ZNF777: variants seen among roughly 807,000 people sequenced by gnomAD.
The protein encoded by ZNF777 is zinc finger protein 777.
ZNF777 carries 7 observed loss-of-function variants against 72.1 expected under a neutral mutation model. The ratio of observed to expected loss-of-function variants is 0.10; its 90% confidence interval spans 0.06 to 0.18. The LOEUF (loss-of-function observed/expected upper bound fraction) is 0.18, where lower values mean the gene tolerates loss of function less well. Ranked by LOEUF, ZNF777 falls within the 10% of genes least tolerant of loss-of-function variation. ZNF777 has a pLI of 1.00. For missense variants in ZNF777, 828 were observed against 1,128.6 expected (o/e 0.73, Z 3.82); for synonymous variants, 545 against 483.5 (o/e 1.13, Z -1.67).
rs953761505 is a variant in ZNF777 at position 149,451,019 on chromosome 7, G to A, written c.1067C>T (p.Thr356Met). The change falls in exon 4 of 6, where the codon ACG becomes ATG. Residue 356 changes from threonine to methionine, a missense_variant. Coordinates refer to ENST00000247930, the MANE Select transcript of ZNF777 (RefSeq NM_015694.3). ...QEQEDSEEGE[T>M]PTDPSAAHDG... ...CTCACCAGCACTGGGATCTGTCGGC[G>A]TTTCGCCCTCCTCAGAGTCTTCCTG... The A allele has an allele frequency of 1.4e-5, 22 of 1,613,702 alleles. No individual in the cohort carries two copies. Among genetic ancestry groups the A allele is most frequent in the Non-Finnish European group, 1.7e-5 (20 of 1,180,002 alleles).
intron 3 of ZNF777, 98 bp from the exon 4 acceptor site, chr7:149,451,210 C>T (rs1322174263): frequency 6.4e-6 from 7 of 1,085,950 alleles, no homozygotes; most frequent in Non-Finnish European, 9.6e-6. Flanking sequence ...GGAGCAGCTC[C>T]TCGACTGGAG....
At chr7:149,438,046 A>AT (rs1052761353) in intron 4 of ZNF777, among the ~76,000 whole-genome samples, 9 of 150,220 alleles carry the variant, frequency 6.0e-5, no homozygotes, top group African/African-American at 2.2e-4. Context: ...CACCCGGCTA[A>AT]TTTTTTGTAT....
intron 4 of ZNF777, among the ~76,000 whole-genome samples, chr7:149,449,724 C>G (rs946542551): frequency 6.6e-6 from 1 of 152,124 alleles, no homozygotes; most frequent in African/African-American, 2.4e-5. Context: ...AAAAGTTCAC[C>G]CTGCCATGTG....
chr7:149,434,693 G>A (rs767548049), intron 5 of ZNF777, among the ~76,000 whole-genome samples: 2 of 151,796 alleles, frequency 1.3e-5, no homozygotes, highest in South Asian at 2.1e-4. Context: ...AGCGATTCTC[G>A]TGCCTCAGCC....
rs545005546 is a variant in ZNF777, at chr7:149,455,118, C to T, written c.846+59G>A. 9 of 1,544,366 alleles carry T rather than the reference C, an allele frequency of 5.8e-6. No individual in the cohort carries two copies. The highest frequency in any genetic ancestry group is 2.3e-5 in the East Asian group (1 of 44,424). On this transcript the variant is annotated intron_variant, in intron 2 of 5. Transcript: ENST00000247930. The surrounding 1 kb of genome is among the most constrained non-coding windows in gnomAD (Gnocchi z 4.2). ...CTTTCTTTCATATTACACTACATTCCTAAACCACACTCCAATTCAGATCAC... is the reference window on the plus strand; with the variant it reads ...CTTTCTTTCATATTACACTACATTCTTAAACCACACTCCAATTCAGATCAC...
Position 149,436,586 on chromosome 7 carries a change from C to T in ZNF777, c.1328G>A (p.Arg443Lys), listed in dbSNP as rs1297576694. 1.9e-6 allele frequency: 3 copies of T among 1,605,724 alleles called. No homozygotes were observed. Among genetic ancestry groups the T allele is most frequent in the East Asian group, 2.2e-5 (1 of 44,744 alleles). Residue 443 changes from arginine (R) to lysine (K), a missense_variant, in exon 5 of 6, where the codon AGG becomes AAG. Coordinates refer to ENST00000247930, the MANE Select transcript of ZNF777 (RefSeq NM_015694.3). This position sits in a 1 kb window ranked among gnomAD's most constrained non-coding sequence, Gnocchi z 5.0. The part of the protein sequence containing the change: ...SELKQMLVQQ[R>K]NCTEGIVIKT... ...CGCCCAGCACTCACCCGTGCAGTTC[C>T]TCTGCTGCACCAGCATCTGCTTCAG...
At chr7:149,448,484 A>AATATATATATATATATATATAT (rs1799644115) in intron 4 of ZNF777, among the ~76,000 whole-genome samples, 1 of 21,692 alleles carries the variant, frequency 4.6e-5, no homozygotes, top group African/African-American at 2.4e-4. Context: ...ACAAAACAAA[A>AATATATATATATATATATATAT]CTATATATAT....
At position 149,452,108 on chromosome 7, in the gene ZNF777, A is replaced by T. The variant is rs986726027; in HGVS notation, c.974-996T>A. Among the ~76,000 whole-genome samples the T allele has an allele frequency of 6.6e-5, 10 of 151,700 alleles. No homozygotes were observed. In the East Asian group the frequency reaches 1.2e-3, roughly 18 times the overall value. Reference sequence around the variant, plus strand: ...GTGAAACCCCGTCTCTACTAAAAATACAAAAAATTAGCTGGGCACGGTGGT... The same window carrying T: ...GTGAAACCCCGTCTCTACTAAAAATTCAAAAAATTAGCTGGGCACGGTGGT... On this transcript the variant is annotated intron_variant, in intron 3 of 5. Coordinates refer to ENST00000247930, the MANE Select transcript of ZNF777 (RefSeq NM_015694.3).
chr7:149,435,957 G>C (rs1799402959), intron 5 of ZNF777, among the ~76,000 whole-genome samples: 1 of 152,126 alleles, frequency 6.6e-6, no homozygotes, highest in African/African-American at 2.4e-5. Flanking sequence ...TGATCAAGTA[G>C]GGCTTTTCCC....
At chr7:149,441,170 G>A (rs1799507500) in intron 4 of ZNF777, among the ~76,000 whole-genome samples, 3 of 152,160 alleles carry the variant, frequency 2.0e-5, no homozygotes, top group Admixed American at 2.0e-4. Context: ...CAACCAAGCT[G>A]CATTCATTTA....
At chr7:149,459,922 C>G in intron 1 of ZNF777, 1 of 953,524 alleles carries the variant, frequency 1.0e-6, no homozygotes, top group Non-Finnish European at 1.2e-6. Flanking sequence ...CTCGCACGGA[C>G]GGCGGCGAGG....
intron 5 of ZNF777, among the ~76,000 whole-genome samples, chr7:149,433,523 TG>T (rs1283674596): frequency 2.6e-5 from 4 of 152,198 alleles, no homozygotes; most frequent in Admixed American, 6.5e-5. Context: ...TTAATCCACT[TG>T]GAGATTTCTC....
intron 1 of ZNF777, chr7:149,459,807 G>A: frequency 1.0e-6 from 1 of 984,916 alleles, no homozygotes; most frequent in Non-Finnish European, 1.2e-6. Context: ...CGTGCCGGCG[G>A]CTACCCCGAC....
chr7:149,441,801 ATTTTC>A (rs1042076936), intron 4 of ZNF777, among the ~76,000 whole-genome samples: 8 of 151,890 alleles, frequency 5.3e-5, no homozygotes, highest in Non-Finnish European at 1.0e-4. Flanking sequence ...AGACTTAGCA[ATTTTC>A]TTTTTGTTTT....
intron 4 of ZNF777, among the ~76,000 whole-genome samples, chr7:149,437,799 CTTTTTCTTTTT>C (rs1470777249): frequency 1.7e-5 from 2 of 115,654 alleles, no homozygotes; most frequent in East Asian, 3.9e-4. Flanking sequence ...ATGTTTGTTT[CTTTTTCTTTTT>C]TTTTTTTTTT....
At chr7:149,437,800 T>TTTTTTTTTTTTTTTTTTTTTTTTTTTG (rs1799441956) in intron 4 of ZNF777, among the ~76,000 whole-genome samples, 1 of 57,162 alleles carries the variant, frequency 1.7e-5, no homozygotes. Flanking sequence ...TGTTTGTTTC[T>TTTTTTTTTTTTTTTTTTTTTTTTTTTG]TTTTCTTTTT....
chr7:149,443,245 A>T (rs1799554359), intron 4 of ZNF777, among the ~76,000 whole-genome samples: 1 of 152,226 alleles, frequency 6.6e-6, no homozygotes, highest in African/African-American at 2.4e-5. Flanking sequence ...TGACGTAAAA[A>T]TGTCAATGAT....
chr7:149,456,207 A>G (rs1301139675), intron 1 of ZNF777, among the ~76,000 whole-genome samples, 170 bp from the exon 2 acceptor site: 3 of 152,080 alleles, frequency 2.0e-5, no homozygotes, highest in Non-Finnish European at 2.9e-5. Flanking sequence ...TTAGACATCA[A>G]TTATACCACT....
At chr7:149,442,173 C>A (rs368749169) in intron 4 of ZNF777, among the ~76,000 whole-genome samples, 11 of 145,066 alleles carry the variant, frequency 7.6e-5, no homozygotes, top group African/African-American at 2.6e-4. Context: ...GCCGAGATTG[C>A]GCCACTGCAC....
Sources: gnomAD v4.1 joint callset for allele counts (sites outside exome capture counted in the v4.1 genomes callset) on GRCh38, gnomAD v4.1.1 for gene constraint, Gnocchi (gnomAD v3.1) non-coding constraint, MANE v1.5 for transcripts, NCBI Gene and HGNC (gene_info 2026-07-23, HGNC 2026-07-21) for gene names.